FUBP3: variants seen among roughly 807,000 people sequenced by gnomAD.
The protein encoded by FUBP3 is far upstream element binding protein 3.
FUBP3 carries 28 observed loss-of-function variants against 85.6 expected under a neutral mutation model. The ratio of observed to expected loss-of-function variants is 0.33; its 90% CI spans 0.24 to 0.45. FUBP3 has a LOEUF of 0.45. Among genes scored for constraint, FUBP3 ranks in the 20% least tolerant of loss-of-function variants. The probability of loss-of-function intolerance (pLI) is 1.00; values close to 1 mark genes in which losing one functional copy is unlikely to be tolerated. For synonymous variants in FUBP3, 271 were observed against 271.4 expected (o/e 1.00, Z 0.01); for missense variants, 583 against 755.1 (o/e 0.77, Z 2.67).
chr9:130,588,902 A>T (rs1157988246), intron 1 of FUBP3, among the ~76,000 whole-genome samples: 2 of 152,120 alleles, frequency 1.3e-5, no homozygotes, highest in East Asian at 3.9e-4. Flanking sequence ...TTGCAGTCCA[A>T]CCTACCTTTC....
intron 9 of FUBP3, 76 bp from the exon 10 acceptor site, chr9:130,622,630 CAA>C (rs35428077): frequency 0.023 from 11,526 of 501,364 alleles, no homozygotes; most frequent in South Asian, 0.036. Flanking sequence ...GACTCAGTCT[CAA>C]AAAAAAAAAA....
At chr9:130,598,626 T>G (rs189236554) in intron 2 of FUBP3, among the ~76,000 whole-genome samples, 24 of 152,364 alleles carry the variant, frequency 1.6e-4, no homozygotes, top group Admixed American at 1.4e-3. Context: ...GCCTAGGGAA[T>G]CACTAACACC....
At chr9:130,607,752 A>G (rs1831532020) in intron 2 of FUBP3, among the ~76,000 whole-genome samples, 1 of 152,180 alleles carries the variant, frequency 6.6e-6, no homozygotes, top group Admixed American at 6.5e-5. Flanking sequence ...CTGCAATCAC[A>G]TGTTTCAGCC....
intron 17 of FUBP3, among the ~76,000 whole-genome samples, chr9:130,634,949 C>T (rs893878998): frequency 1.3e-5 from 2 of 152,176 alleles, no homozygotes; most frequent in South Asian, 2.1e-4. Flanking sequence ...GGCTGCCCTG[C>T]GACTCGGCAC....
At chr9:130,586,850 A>C (rs899756007) in intron 1 of FUBP3, among the ~76,000 whole-genome samples, 2 of 146,394 alleles carry the variant, frequency 1.4e-5, no homozygotes, top group South Asian at 4.3e-4. Flanking sequence ...TCCCAGGTTC[A>C]CACCATTCTC....
intron 7 of FUBP3, 38 bp from the exon 8 acceptor site, chr9:130,617,759 A>C (rs1272273091): frequency 4.1e-6 from 5 of 1,222,742 alleles, no homozygotes; most frequent in Admixed American, 3.4e-5. Context: ...CATGCCCTGC[A>C]TTATTCATGA....
chr9:130,637,242 A>T lies in FUBP3; in HGVS notation c.*220A>T. 1.7e-6 allele frequency: 1 copy of T among 575,740 alleles called. No individual in the cohort carries two copies. The highest frequency in any genetic ancestry group is 3.1e-6 in the Non-Finnish European group (1 of 320,338). 35.7% of individuals were successfully genotyped at this position (575,740 alleles called of 1,614,324 possible). On this transcript the variant is annotated 3_prime_UTR_variant, in exon 19 of 19. Coordinates refer to ENST00000319725, the MANE Select transcript of FUBP3 (RefSeq NM_003934.2). ...TCATTATTTTTGTTATTTCAAATGT[A>T]TAAGCTCTGGGATTCTTTTTGGAGC...
rs898255474 is a variant in FUBP3 at position 130,616,022 on chromosome 9, G to C, written c.405-333G>C. Among the ~76,000 whole-genome samples the C allele has an allele frequency of 5.9e-5, 9 of 152,214 alleles. No individual in the cohort carries two copies. Among genetic ancestry groups the C allele is most frequent in the Admixed American group, 5.9e-4 (9 of 15,282 alleles). The stretch of plus-strand genomic sequence containing the variant: ...ATGGGGGAACAGAGAGATGTAAAGG[G>C]ATGAAAGATGGTCTCTGCCTCCAGA... On this transcript the variant is annotated intron_variant, in intron 6 of 18. Coordinates refer to ENST00000319725, the MANE Select transcript of FUBP3 (RefSeq NM_003934.2). This position sits in a 1 kb window ranked among gnomAD's most constrained non-coding sequence, Gnocchi z 4.7.
chr9:130,631,544 TG>T lies in FUBP3; in HGVS notation c.1279-12del. The T allele has an allele frequency of 6.2e-7, 1 of 1,609,912 alleles. No homozygotes were observed. The highest frequency in any genetic ancestry group is 2.2e-5 in the East Asian group (1 of 44,860). On this transcript the variant is annotated splice_polypyrimidine_tract_variant and intron_variant, in intron 13 of 18. Transcript: ENST00000319725. Reference sequence around the variant, plus strand: ...ACCAACAGCGGGTGAGAGCTCCCTCTGTGCCCCCACAGGGGACCAATCTCGG... The same window carrying T: ...ACCAACAGCGGGTGAGAGCTCCCTCTTGCCCCCACAGGGGACCAATCTCGG...
At chr9:130,598,103 T>G (rs1830959730) in intron 2 of FUBP3, among the ~76,000 whole-genome samples, 1 of 152,228 alleles carries the variant, frequency 6.6e-6, no homozygotes, top group South Asian at 2.1e-4. Context: ...CTGGACCTAC[T>G]GGGTGATCTT....
chr9:130,636,667 C>A (rs187982701), intron 18 of FUBP3, among the ~76,000 whole-genome samples: 1 of 152,212 alleles, frequency 6.6e-6, no homozygotes, highest in Non-Finnish European at 1.5e-5. Context: ...CCAAATGTTC[C>A]CACAGGGCGC....
At position 130,612,793 on chromosome 9, in the gene FUBP3, C is replaced by G. The variant is rs1472461444; in HGVS notation, c.275-163C>G. ...CTGTAGGCTGTTTCACAAGGGCTTT[C>G]TGCTGCCATCATGCCCAAAGAGTGG... On this transcript the variant is annotated intron_variant, in intron 4 of 18. Coordinates refer to ENST00000319725, the MANE Select transcript of FUBP3 (RefSeq NM_003934.2). The surrounding 1 kb of genome is among the most constrained non-coding windows in gnomAD (Gnocchi z 4.1). 6.6e-6 allele frequency among the ~76,000 whole-genome samples: 1 copy of G among 152,186 alleles called. No individual in the cohort carries two copies. The highest frequency in any genetic ancestry group is 1.5e-5 in the Non-Finnish European group (1 of 68,032).
chr9:130,636,485 G>A (rs921659533), intron 18 of FUBP3, among the ~76,000 whole-genome samples: 1 of 152,230 alleles, frequency 6.6e-6, no homozygotes, highest in Non-Finnish European at 1.5e-5. Flanking sequence ...GGTGCGCTCC[G>A]GCGACTGCTC....
chr9:130,616,496 G>A lies in FUBP3; in HGVS notation c.546G>A (p.Gly182=), dbSNP rs1021496394. 3.1e-6 allele frequency: 5 copies of A among 1,614,142 alleles called. No individual in the cohort carries two copies. Among genetic ancestry groups the A allele is most frequent in the Non-Finnish European group, 3.4e-6 (4 of 1,180,010 alleles). Reference sequence around the variant, plus strand: ...TGGGTCTGGTCATCGGCAGAGGAGGGGAAACAATCAAGCAGTTGCAGGTGT... The same window carrying A: ...TGGGTCTGGTCATCGGCAGAGGAGGAGAAACAATCAAGCAGTTGCAGGTGT... ...SKVGLVIGRG[G]ETIKQLQERT... The change falls in exon 7 of 19, where the codon GGG becomes GGA. Residue 182 remains glycine, a synonymous_variant. Coordinates refer to ENST00000319725, the MANE Select transcript of FUBP3 (RefSeq NM_003934.2). The surrounding 1 kb of genome is among the most constrained non-coding windows in gnomAD (Gnocchi z 4.7).
chr9:130,579,753 C>T lies in FUBP3; in HGVS notation c.73C>T (p.Arg25Trp), dbSNP rs1349999227. The T allele has an allele frequency of 8.6e-6, 11 of 1,279,488 alleles. No individual in the cohort carries two copies. The highest frequency in any genetic ancestry group is 9.9e-6 in the Non-Finnish European group (10 of 1,010,358). The allele number at this position is 1,279,488 out of a possible 1,614,324, so 79.3% of individuals were successfully genotyped here. ...CGAGGGCTTCGTGGATGCCCTGCAC[C>T]GGGTCCGGCAGGTACGGGCGCAGCC... ...KAEGFVDALHRVRQIAAKIDS... is the reference protein window; with the variant it reads ...KAEGFVDALHWVRQIAAKIDS... Residue 25 changes from arginine to tryptophan, a missense_variant, in exon 1 of 19, where the codon CGG becomes TGG. Coordinates refer to ENST00000319725, the MANE Select transcript of FUBP3 (RefSeq NM_003934.2).
intron 12 of FUBP3, among the ~76,000 whole-genome samples, chr9:130,628,574 C>G (rs556289020): frequency 4.6e-5 from 7 of 152,252 alleles, no homozygotes; most frequent in Admixed American, 3.9e-4. Flanking sequence ...GTTCCCAAGG[C>G]CTGGGGATGA....
Position 130,579,600 on chromosome 9 carries a change from G to GCGGAGCGGGAGGC in FUBP3, c.-76_-64dup. ...TCCTTTTCCGGCTACGGGTCCCCAA[G>GCGGAGCGGGAGGC]CGGAGCGGGAGGCCGGACCGGGGAG... is the stretch of plus-strand genomic sequence containing the variant. On this transcript the variant is annotated 5_prime_UTR_variant, in exon 1 of 19. Transcript: ENST00000319725. The GCGGAGCGGGAGGC allele has an allele frequency of 1.1e-6, 1 of 888,400 alleles. No homozygotes were observed. Among genetic ancestry groups the GCGGAGCGGGAGGC allele is most frequent in the Non-Finnish European group, 1.5e-6 (1 of 676,818 alleles). The allele number at this position is 888,400 out of a possible 1,614,324, so 55.0% of individuals were successfully genotyped here.
intron 18 of FUBP3, among the ~76,000 whole-genome samples, chr9:130,636,562 AG>A (rs1484306110): frequency 1.3e-5 from 2 of 152,228 alleles, no homozygotes; most frequent in Non-Finnish European, 2.9e-5. Context: ...GTGAGAGGGC[AG>A]GGGGGCAGAG....
At chr9:130,580,148 G>A (rs1830073191) in intron 1 of FUBP3, among the ~76,000 whole-genome samples, 1 of 152,188 alleles carries the variant, frequency 6.6e-6, no homozygotes, top group African/African-American at 2.4e-5. Flanking sequence ...GCTGTCTGAC[G>A]CCCAGTAGCT....
Sources: gnomAD v4.1 joint callset for allele counts (sites outside exome capture counted in the v4.1 genomes callset) on GRCh38, gnomAD v4.1.1 for gene constraint, Gnocchi (gnomAD v3.1) non-coding constraint, MANE v1.5 for transcripts, NCBI Gene and HGNC (gene_info 2026-07-23, HGNC 2026-07-21) for gene names.